Variants in HMGN4 observed in about 807,000 individuals in gnomAD.
HMGN4 encodes the protein high mobility group nucleosomal binding domain 4.
For synonymous variants in HMGN4, 39 were observed against 39.1 expected, an observed-to-expected ratio of 1.00 and a Z score of 0.01; for missense variants, 69 against 104.9, an observed-to-expected ratio of 0.66 and a Z score of 1.49.
chr6:26,542,807 C>T lies in HMGN4; in HGVS notation c.-80-2320C>T, dbSNP rs1387679721. The stretch of plus-strand genomic sequence containing the variant: ...CCTATTTTTCCTGATTTTATTTTGT[C>T]ACCTGCTGTATTTTGGCCTTTGACA... On this transcript the variant is annotated intron_variant, in intron 1 of 1. Transcript: ENST00000377575. The surrounding 1 kb of genome is among the most constrained non-coding windows in gnomAD (Gnocchi z 4.6). Among the ~76,000 whole-genome samples, 1 of 152,190 alleles carries T rather than the reference C, an allele frequency of 6.6e-6. No homozygotes were observed. The highest frequency in any genetic ancestry group is 1.9e-4 in the East Asian group (1 of 5,202).
chr6:26,541,585 A>C (rs1175213639), intron 1 of HMGN4, among the ~76,000 whole-genome samples: 1 of 151,994 alleles, frequency 6.6e-6, no homozygotes, highest in Non-Finnish European at 1.5e-5. Context: ...CTCTTCCTAT[A>C]AGTACACCAG....
Position 26,546,507 on chromosome 6 carries a change from G to A in HMGN4, c.*1028G>A, listed in dbSNP as rs766600252. On this transcript the variant is annotated 3_prime_UTR_variant, in exon 2 of 2. Coordinates refer to ENST00000377575, the MANE Select transcript of HMGN4 (RefSeq NM_006353.3). ...ATTAAATTTTTGTGTATGTGTGTGG[G>A]TCTTTTGATGGTTTCTATTCTGACT... Among the ~76,000 whole-genome samples the A allele has an allele frequency of 1.3e-5, 2 of 152,126 alleles. No homozygotes were observed. Among genetic ancestry groups the A allele is most frequent in the African/African-American group, 2.4e-5 (1 of 41,406 alleles).
At chr6:26,538,680 C>G (rs1764250076) in intron 1 of HMGN4, among the ~76,000 whole-genome samples, 179 bp downstream of exon 1, 1 of 152,236 alleles carries the variant, frequency 6.6e-6, no homozygotes, top group South Asian at 2.1e-4. Context: ...CAGCATCTCT[C>G]CTGAGCTCCG....
At chr6:26,539,788 A>C (rs1764266658) in intron 1 of HMGN4, 1 of 152,216 alleles carries the variant, frequency 6.6e-6, no homozygotes, top group Non-Finnish European at 1.5e-5. Flanking sequence ...TAACAAGACA[A>C]CACCTTGGCT....
chr6:26,540,791 C>T (rs1345609506), intron 1 of HMGN4, among the ~76,000 whole-genome samples: 1 of 152,128 alleles, frequency 6.6e-6, no homozygotes, highest in African/African-American at 2.4e-5. Context: ...CTTCTGATTT[C>T]GGGGTGGGAT....
chr6:26,546,832 T>C lies in HMGN4; in HGVS notation c.*1353T>C, dbSNP rs1405481555. ...ATTTATAGATTAATCTGGTAAACCATGTCATCTTTACAATGTTGTCTTCCA... is the reference window on the plus strand; with the variant it reads ...ATTTATAGATTAATCTGGTAAACCACGTCATCTTTACAATGTTGTCTTCCA... On this transcript the variant is annotated 3_prime_UTR_variant, in exon 2 of 2. Coordinates refer to ENST00000377575, the MANE Select transcript of HMGN4 (RefSeq NM_006353.3). 6.6e-6 allele frequency among the ~76,000 whole-genome samples: 1 copy of C among 152,248 alleles called. No individual in the cohort carries two copies. The highest frequency in any genetic ancestry group is 1.9e-4 in the East Asian group (1 of 5,204).
intron 1 of HMGN4, among the ~76,000 whole-genome samples, chr6:26,540,415 A>G (rs1178805899): frequency 2.0e-5 from 3 of 151,374 alleles, no homozygotes; most frequent in African/African-American, 7.3e-5. Context: ...GCTCACTGCA[A>G]CCTCCGCCTC....
At chr6:26,541,327 T>C (rs946098960) in intron 1 of HMGN4, among the ~76,000 whole-genome samples, 2 of 152,208 alleles carry the variant, frequency 1.3e-5, no homozygotes, top group African/African-American at 2.4e-5. Flanking sequence ...CACCACGCCC[T>C]GCCTGAGTCA....
Position 26,545,212 on chromosome 6 carries a change from C to T in HMGN4, c.6C>T (p.Pro2=), listed in dbSNP as rs1177130220. Residue 2 remains proline (P), a synonymous_variant, in exon 2 of 2, where the codon CCC becomes CCT. Transcript: ENST00000377575. ...CTGCGAACACTGCTGCTACCATGCC[C>T]AAGAGAAAGGCAAAAGGAGATGCTA... M[P]KRKAKGDAKG... is the part of the protein sequence containing the mutation. 2 of 1,605,828 alleles carry T rather than the reference C, an allele frequency of 1.2e-6. No individual in the cohort carries two copies. Among genetic ancestry groups the T allele is most frequent in the Non-Finnish European group, 1.7e-6 (2 of 1,175,606 alleles).
Position 26,545,190 on chromosome 6 carries a change from C to T in HMGN4, c.-17C>T, listed in dbSNP as rs16891790. 37,291 of 1,582,388 alleles carry T rather than the reference C, an allele frequency of 0.024. 840 individuals carry two copies. The highest frequency in any genetic ancestry group is 0.11 in the East Asian group (4,932 of 44,466). The stretch of plus-strand genomic sequence containing the variant: ...CCAACAGGACTGCTCAAGCCACCTG[C>T]GAACACTGCTGCTACCATGCCCAAG... On this transcript the variant is annotated 5_prime_UTR_variant, in exon 2 of 2. Coordinates refer to ENST00000377575, the MANE Select transcript of HMGN4 (RefSeq NM_006353.3).
intron 1 of HMGN4, among the ~76,000 whole-genome samples, chr6:26,543,439 T>TTTTTTTTTTTTTTTG (rs1764310613): frequency 7.1e-6 from 1 of 140,184 alleles, no homozygotes; most frequent in African/African-American, 2.7e-5. Flanking sequence ...TTTTTTTTTT[T>TTTTTTTTTTTTTTTG]GAAGCAGAGT....
chr6:26,539,680 G>C (rs1397702383), intron 1 of HMGN4, among the ~76,000 whole-genome samples: 1 of 149,120 alleles, frequency 6.7e-6, no homozygotes, highest in African/African-American at 2.5e-5. Flanking sequence ...AAAGGACAAT[G>C]TTAATGAGCT....
chr6:26,540,328 C>CTTTT (rs11333869), intron 1 of HMGN4, among the ~76,000 whole-genome samples: 3 of 144,116 alleles, frequency 2.1e-5, no homozygotes, highest in Non-Finnish European at 3.0e-5. Flanking sequence ...GCCTGTGAAT[C>CTTTT]TTTTTTTTTT....
Position 26,542,881 on chromosome 6 carries a change from C to T in HMGN4, c.-80-2246C>T, listed in dbSNP as rs1354847833. On this transcript the variant is annotated intron_variant, in intron 1 of 1. Coordinates refer to ENST00000377575, the MANE Select transcript of HMGN4 (RefSeq NM_006353.3). The surrounding 1 kb of genome is among the most constrained non-coding windows in gnomAD (Gnocchi z 4.6). ...TTCGGATGGACTTCAATGGATCTAA[C>T]TCGAAGAAGACTGAACCCAGGAAAA... 1.3e-5 allele frequency among the ~76,000 whole-genome samples: 2 copies of T among 152,154 alleles called. No individual in the cohort carries two copies. Among genetic ancestry groups the T allele is most frequent in the Non-Finnish European group, 2.9e-5 (2 of 68,032 alleles).
chr6:26,545,106 G>C, intron 1 of HMGN4, 21 bp from the exon 2 acceptor site: 1 of 1,011,866 alleles, frequency 9.9e-7, no homozygotes, highest in Non-Finnish European at 1.4e-6. Flanking sequence ...TATGGTTTAC[G>C]CTTTTTGTGT....
At chr6:26,544,965 T>G (rs1764330344) in intron 1 of HMGN4, among the ~76,000 whole-genome samples, 162 bp from the exon 2 acceptor site, 1 of 152,222 alleles carries the variant, frequency 6.6e-6, no homozygotes, top group Non-Finnish European at 1.5e-5. Flanking sequence ...CCATTATATA[T>G]TTTACATATA....
intron 1 of HMGN4, among the ~76,000 whole-genome samples, chr6:26,539,544 T>G (rs1764261864): frequency 6.6e-6 from 1 of 150,746 alleles, no homozygotes; most frequent in South Asian, 2.1e-4. Flanking sequence ...GTGCTGAGAT[T>G]ACAGGCATGA....
intron 1 of HMGN4, among the ~76,000 whole-genome samples, 188 bp from the exon 2 acceptor site, chr6:26,544,939 G>A (rs1764330253): frequency 6.6e-6 from 1 of 152,034 alleles, no homozygotes; most frequent in African/African-American, 2.4e-5. Flanking sequence ...ATGTATTCAG[G>A]ATTCTAACAT....
intron 1 of HMGN4, among the ~76,000 whole-genome samples, chr6:26,538,772 C>T (rs1000756525): frequency 2.0e-5 from 3 of 152,150 alleles, no homozygotes; most frequent in South Asian, 4.1e-4. Context: ...AAGTCCTAAT[C>T]GGCGTTCTAG....
Sources: allele counts gnomAD v4.1 joint callset (sites outside exome capture counted in the v4.1 genomes callset), GRCh38; gene constraint gnomAD v4.1.1; non-coding constraint Gnocchi (gnomAD v3.1); transcripts MANE v1.5; gene names NCBI Gene and HGNC (gene_info 2026-07-23, HGNC 2026-07-21).